FBXO25: variants seen among roughly 807,000 people sequenced by gnomAD.
FBXO25 encodes the protein F-box only protein 25.
In FBXO25, 45 loss-of-function variants were observed where a neutral mutation model predicts 51.9. The observed-to-expected ratio is 0.87, with a 90% CI of 0.68 to 1.11. FBXO25 has a LOEUF of 1.11. Ranked by LOEUF, FBXO25 falls within the 50% of genes most tolerant of loss-of-function variation. FBXO25 has a pLI of 0.00. For missense variants in FBXO25, 507 were observed against 428.5 expected, an observed-to-expected ratio of 1.18 and a Z score of -1.62; for synonymous variants, 199 against 151.0, an observed-to-expected ratio of 1.32 and a Z score of -2.33.
In FBXO25 at chr8:469,291, A is replaced by T. The variant is rs551591881; in HGVS notation, c.*487A>T. The T allele has an allele frequency of 9.8e-5, 15 of 153,064 alleles. No individual in the cohort carries two copies. Among genetic ancestry groups the T allele is most frequent in the African/African-American group, 3.6e-4 (15 of 41,600 alleles). 9.5% of individuals were successfully genotyped at this position (153,064 alleles called of 1,614,324 possible). ...CTACTACATTGGCTGTGCCCAAATG[A>T]GTCCTCTTTGAATAGAAAGTGAACC... On this transcript the variant is annotated 3_prime_UTR_variant, in exon 10 of 10. Transcript: ENST00000350302.
intron 5 of FBXO25, among the ~76,000 whole-genome samples, chr8:439,719 G>C (rs1202825084): frequency 6.6e-6 from 1 of 152,148 alleles, no homozygotes; most frequent in East Asian, 1.9e-4. Context: ...TAGCCCACCT[G>C]CTCCTCATGT....
At chr8:433,322 T>C (rs1314191407) in intron 4 of FBXO25, among the ~76,000 whole-genome samples, 1 of 152,168 alleles carries the variant, frequency 6.6e-6, no homozygotes, top group East Asian at 1.9e-4. Context: ...TACCTGTACA[T>C]ATCTGAGTCT....
intron 7 of FBXO25, among the ~76,000 whole-genome samples, chr8:456,792 C>A (rs1476054006): frequency 6.6e-6 from 1 of 152,164 alleles, no homozygotes; most frequent in East Asian, 1.9e-4. Context: ...TCGTGCTGCC[C>A]ACTGGGATGC....
chr8:460,148 C>A (rs977551684), intron 8 of FBXO25, among the ~76,000 whole-genome samples: 2 of 152,138 alleles, frequency 1.3e-5, no homozygotes, highest in Non-Finnish European at 2.9e-5. Context: ...CACTCCCTAT[C>A]ACGTGCAGGC....
At chr8:462,648 G>C (rs547822557) in intron 8 of FBXO25, among the ~76,000 whole-genome samples, 6 of 152,228 alleles carry the variant, frequency 3.9e-5, no homozygotes, top group African/African-American at 1.4e-4. Context: ...CTTAGGAATG[G>C]AAAACCAAAT....
intron 5 of FBXO25, among the ~76,000 whole-genome samples, chr8:437,552 T>C (rs548277044): frequency 2.6e-5 from 4 of 152,308 alleles, no homozygotes; most frequent in African/African-American, 9.6e-5. Flanking sequence ...AAGTTACCTC[T>C]AAAAAGTGAT....
chr8:461,409 C>G (rs1485202209), intron 8 of FBXO25, among the ~76,000 whole-genome samples: 1 of 152,190 alleles, frequency 6.6e-6, no homozygotes, highest in Non-Finnish European at 1.5e-5. Context: ...GGAGCAAAGT[C>G]ACATCCTACA....
intron 4 of FBXO25, among the ~76,000 whole-genome samples, chr8:434,476 A>AT (rs1463185594): frequency 6.6e-6 from 1 of 152,120 alleles, no homozygotes; most frequent in Non-Finnish European, 1.5e-5. Flanking sequence ...CAGTCAACAT[A>AT]TTTGGATGTT....
intron 8 of FBXO25, among the ~76,000 whole-genome samples, chr8:460,464 G>A (rs1309199669): frequency 6.6e-6 from 1 of 151,942 alleles, no homozygotes. Context: ...GAAAAAAAAA[G>A]CATATTAGAA....
chr8:432,924 A>G lies in FBXO25; in HGVS notation c.277A>G (p.Ser93Gly). ...AAAATGGATCTATGTCCATAAAGAA[A>G]GCACAAAGGAAGTAAGTATTCTATT... ...REKWIYVHKE[S>G]TKERHGYCTL... Residue 93 changes from serine to glycine, a missense_variant, in exon 4 of 10, where the codon AGC becomes GGC. Ser to Gly is a moderately conservative substitution (Grantham distance 56). Transcript: ENST00000350302. The G allele has an allele frequency of 1.9e-6, 3 of 1,558,314 alleles. 1 individual carries two copies. The East Asian group carries it at 7.0e-5, about 37-fold the overall frequency.
intron 2 of FBXO25, among the ~76,000 whole-genome samples, chr8:424,414 G>C (rs1797345660): frequency 6.6e-6 from 1 of 151,986 alleles, no homozygotes. Context: ...TTGTTTTTGG[G>C]AACTTAGCCA....
At chr8:443,581 C>T (rs191973890) in intron 5 of FBXO25, among the ~76,000 whole-genome samples, 4 of 150,762 alleles carry the variant, frequency 2.7e-5, no homozygotes, top group Admixed American at 2.6e-4. Context: ...TCTCACAGAC[C>T]ACTGCTTGAG....
At chr8:460,197 C>T (rs1799719015) in intron 8 of FBXO25, among the ~76,000 whole-genome samples, 1 of 152,078 alleles carries the variant, frequency 6.6e-6, no homozygotes, top group African/African-American at 2.4e-5. Context: ...GAGTGCCTGG[C>T]AGGTGTTTAT....
At chr8:416,314 G>A (rs545825425) in intron 2 of FBXO25, among the ~76,000 whole-genome samples, 4 of 152,286 alleles carry the variant, frequency 2.6e-5, no homozygotes, top group African/African-American at 4.8e-5. Context: ...AAAACAACCG[G>A]ATCTCTTGTG....
At position 475,352 on chromosome 8, in the gene FBXO25, G is replaced by GT. The variant is rs1315253511; in HGVS notation, c.*6549dup. On this transcript the variant is annotated 3_prime_UTR_variant, in exon 10 of 10. Transcript: ENST00000350302. The stretch of plus-strand genomic sequence containing the variant: ...CCATTTTGATTATTGTAGCTTTGTC[G>GT]TAAGTTATGAAATAAGGAAGTGAGA... 1 of 158,428 alleles carries GT rather than the reference G, an allele frequency of 6.3e-6. No individual in the cohort carries two copies. The highest frequency in any genetic ancestry group is 1.4e-5 in the Non-Finnish European group (1 of 72,536). 9.8% of individuals were successfully genotyped at this position (158,428 alleles called of 1,614,324 possible).
Position 458,487 on chromosome 8 carries a change from A to G in FBXO25, c.779A>G (p.Tyr260Cys), listed in dbSNP as rs371135648. The G allele has an allele frequency of 5.0e-6, 8 of 1,614,168 alleles. No homozygotes were observed. The highest frequency in any genetic ancestry group is 6.8e-6 in the Non-Finnish European group (8 of 1,180,018). ...TTAGGCCAGGTGACCCCCACGTTGTATATGCTTAGTGAAGACAGACAGCTG... is the reference window on the plus strand; with the variant it reads ...TTAGGCCAGGTGACCCCCACGTTGTGTATGCTTAGTGAAGACAGACAGCTG... ...ITLGQVTPTL[Y>C]MLSEDRQLWK... The change falls in exon 8 of 10, where the codon TAT becomes TGT. Residue 260 changes from tyrosine to cysteine, a missense_variant. Tyr to Cys is a radical substitution (Grantham distance 194). Transcript: ENST00000350302.
intron 2 of FBXO25, among the ~76,000 whole-genome samples, chr8:430,917 C>G (rs1797784240): frequency 6.6e-6 from 1 of 152,202 alleles, no homozygotes; most frequent in Admixed American, 6.5e-5. Context: ...TTCAGGTAAA[C>G]CCTTATATAG....
At chr8:412,079 C>T (rs1796512652) in intron 1 of FBXO25, among the ~76,000 whole-genome samples, 1 of 152,212 alleles carries the variant, frequency 6.6e-6, no homozygotes, top group Admixed American at 6.5e-5. Flanking sequence ...CATTTGAAGT[C>T]TCACTCTTAT....
chr8:434,852 G>T (rs1194593458), intron 4 of FBXO25, among the ~76,000 whole-genome samples: 1 of 152,200 alleles, frequency 6.6e-6, no homozygotes, highest in Non-Finnish European at 1.5e-5. Context: ...AATAGCAGCA[G>T]TGTTTACAGT....
Sources: allele counts gnomAD v4.1 joint callset (sites outside exome capture counted in the v4.1 genomes callset), GRCh38; gene constraint gnomAD v4.1.1; transcripts MANE v1.5; gene names NCBI Gene and HGNC (gene_info 2026-07-23, HGNC 2026-07-21).